CDNF: variants seen among roughly 807,000 people sequenced by gnomAD.
CDNF encodes the protein ARMET-like protein 1.
A neutral mutation model predicts 14.8 loss-of-function variants in CDNF; 9 were observed. The observed-to-expected ratio is 0.61, with a 90% CI of 0.37 to 1.06. The LOEUF is 1.06. Ranked by LOEUF, CDNF falls within the 50% of genes least tolerant of loss-of-function variation. The pLI, the probability that CDNF is intolerant of heterozygous loss-of-function variation, is 0.01. For synonymous variants in CDNF, 86 were observed against 87.2 expected, an observed-to-expected ratio of 0.99 and a Z score of 0.07; for missense variants, 228 against 228.4, an observed-to-expected ratio of 1.00 and a Z score of 0.01.
chr10:14,828,964 G>A (rs747805555), intron 1 of CDNF, among the ~76,000 whole-genome samples: 1 of 152,170 alleles, frequency 6.6e-6, no homozygotes, highest in Admixed American at 6.5e-5. Context: ...GATGGAGGCT[G>A]CAGTGAGCTA....
At chr10:14,832,835 T>C (rs111510760) in intron 1 of CDNF, among the ~76,000 whole-genome samples, 1,994 of 150,106 alleles carry the variant, frequency 0.013, 53 homozygotes, top group African/African-American at 0.045. Context: ...AGCAGGAATC[T>C]AATCTTTCTT....
intron 3 of CDNF, among the ~76,000 whole-genome samples, chr10:14,823,581 C>T (rs1361716359): frequency 1.3e-5 from 2 of 152,134 alleles, no homozygotes; most frequent in African/African-American, 4.8e-5. Flanking sequence ...GGCTGGAGTA[C>T]AGTGAAAAAA....
intron 1 of CDNF, among the ~76,000 whole-genome samples, chr10:14,835,164 G>T (rs149864700): frequency 4.4e-4 from 67 of 152,314 alleles, no homozygotes; most frequent in African/African-American, 1.4e-3. Context: ...AAGAGGGCAT[G>T]TTCACTAGTC....
chr10:14,821,370 T>C (rs144596285), intron 3 of CDNF, among the ~76,000 whole-genome samples: 2,199 of 152,320 alleles, frequency 0.014, 61 homozygotes, highest in African/African-American at 0.049. Flanking sequence ...CTGATCCGCC[T>C]GCCACGGCCT....
chr10:14,837,825 C>G lies in CDNF; in HGVS notation c.115+7G>C, dbSNP rs757628281. On this transcript the variant is annotated splice_region_variant and intron_variant, in intron 1 of 3. Coordinates refer to ENST00000465530, the MANE Select transcript of CDNF (RefSeq NM_001029954.3). ...GCCGCCATGCAAGCAGTTGTCACACCGCTCACCTTCACAGTCGGCCCCTGG... is the reference window on the plus strand; with the variant it reads ...GCCGCCATGCAAGCAGTTGTCACACGGCTCACCTTCACAGTCGGCCCCTGG... The G allele has an allele frequency of 1.3e-6, 2 of 1,552,824 alleles. No individual in the cohort carries two copies. The highest frequency in any genetic ancestry group is 1.7e-6 in the Non-Finnish European group (2 of 1,143,258).
chr10:14,824,307 A>G (rs1205142640), intron 3 of CDNF, among the ~76,000 whole-genome samples: 4 of 152,180 alleles, frequency 2.6e-5, no homozygotes, highest in Non-Finnish European at 5.9e-5. Flanking sequence ...ATAACATTTT[A>G]AAATAGGACA....
At chr10:14,821,487 T>C (rs1461651192) in intron 3 of CDNF, among the ~76,000 whole-genome samples, 4 of 152,162 alleles carry the variant, frequency 2.6e-5, no homozygotes, top group Admixed American at 1.3e-4. Flanking sequence ...GTATTAAGTA[T>C]TATAAGTAAT....
At chr10:14,820,584 T>C (rs1039872559) in intron 3 of CDNF, among the ~76,000 whole-genome samples, 2 of 150,998 alleles carry the variant, frequency 1.3e-5, no homozygotes, top group East Asian at 3.9e-4. Flanking sequence ...AACAAAAAAT[T>C]AGCCGGGCAT....
intron 2 of CDNF, among the ~76,000 whole-genome samples, chr10:14,826,553 G>C (rs561457398): frequency 6.5e-4 from 99 of 152,240 alleles, no homozygotes; most frequent in South Asian, 4.1e-4. Flanking sequence ...GAAGAAGAGA[G>C]GTTAACCTGC....
chr10:14,837,625 C>A (rs567429557), intron 1 of CDNF, among the ~76,000 whole-genome samples: 3 of 152,366 alleles, frequency 2.0e-5, no homozygotes, highest in South Asian at 4.1e-4. Flanking sequence ...ATATTCACAG[C>A]AAAACCACAA....
chr10:14,834,907 T>C (rs1833874468), intron 1 of CDNF, among the ~76,000 whole-genome samples: 1 of 152,122 alleles, frequency 6.6e-6, no homozygotes, highest in Non-Finnish European at 1.5e-5. Context: ...CTGCTGAAGT[T>C]CTGTAAGGAA....
intron 2 of CDNF, among the ~76,000 whole-genome samples, chr10:14,826,092 A>AAGAAGAAGAAGC (rs1833783756): frequency 1.8e-5 from 2 of 110,980 alleles, no homozygotes; most frequent in African/African-American, 6.4e-5. Flanking sequence ...GAAGAAGAAG[A>AAGAAGAAGAAGC]AGAAGCAGCA....
intron 3 of CDNF, among the ~76,000 whole-genome samples, chr10:14,823,823 G>A (rs753470647): frequency 3.9e-5 from 6 of 152,292 alleles, no homozygotes; most frequent in East Asian, 1.9e-4. Flanking sequence ...TGCCGCGCCC[G>A]GCCAAGTTTG....
Position 14,819,849 on chromosome 10 carries a change from G to A in CDNF, c.*131C>T. ...ATAAACCCACGTAACAAAATTCTGA[G>A]GAATAATACCAACACAAAAAGCATG... On this transcript the variant is annotated 3_prime_UTR_variant, in exon 4 of 4. Coordinates refer to ENST00000465530, the MANE Select transcript of CDNF (RefSeq NM_001029954.3). The A allele has an allele frequency of 1.1e-6, 1 of 891,946 alleles. No individual in the cohort carries two copies. The highest frequency in any genetic ancestry group is 1.7e-6 in the Non-Finnish European group (1 of 590,516). The allele number at this position is 891,946 out of a possible 1,614,324, so 55.3% of individuals were successfully genotyped here.
intron 1 of CDNF, 55 bp from the exon 2 acceptor site, chr10:14,828,327 A>G (rs756200380): frequency 1.3e-6 from 2 of 1,568,198 alleles, no homozygotes; most frequent in Non-Finnish European, 1.7e-6. Flanking sequence ...TACCACACCT[A>G]TGCATATGAC....
Position 14,825,638 on chromosome 10 carries a change from G to T in CDNF, c.244-18C>A. ...TAATAGCACTGAAGGAAAATGAAGA[G>T]AATTGAGTGTTCCAGACAATGAAGA... is the stretch of plus-strand genomic sequence containing the variant. On this transcript the variant is annotated intron_variant, in intron 2 of 3. Coordinates refer to ENST00000465530, the MANE Select transcript of CDNF (RefSeq NM_001029954.3). 6.2e-7 allele frequency: 1 copy of T among 1,612,316 alleles called. No homozygotes were observed. The highest frequency in any genetic ancestry group is 8.5e-7 in the Non-Finnish European group (1 of 1,178,840).
Position 14,830,375 on chromosome 10 carries a change from T to C in CDNF, c.116-2103A>G, listed in dbSNP as rs144867107. 3.8e-3 allele frequency among the ~76,000 whole-genome samples: 584 copies of C among 152,360 alleles called. 13 individuals are homozygous for C. Among genetic ancestry groups the C allele is most frequent in the Admixed American group, 0.036 (556 of 15,302 alleles). ...TAACTTCTATGCCTGATTATTCCAATACCTGAAGCCACTGCAGGGGTGTGC... is the reference window on the plus strand; with the variant it reads ...TAACTTCTATGCCTGATTATTCCAACACCTGAAGCCACTGCAGGGGTGTGC... On this transcript the variant is annotated intron_variant, in intron 1 of 3. Coordinates refer to ENST00000465530, the MANE Select transcript of CDNF (RefSeq NM_001029954.3).
intron 2 of CDNF, among the ~76,000 whole-genome samples, chr10:14,826,140 A>AAGC (rs1833787071): frequency 1.9e-4 from 27 of 144,888 alleles, no homozygotes; most frequent in African/African-American, 6.0e-4. Flanking sequence ...GGAGAAGGAG[A>AAGC]AGGAGAAGGA....
At chr10:14,829,617 GA>G (rs1180825516) in intron 1 of CDNF, among the ~76,000 whole-genome samples, 5 of 150,830 alleles carry the variant, frequency 3.3e-5, no homozygotes, top group East Asian at 3.9e-4. Context: ...GAAGTCTTCA[GA>G]GTTTTTTTTG....
Sources: allele counts gnomAD v4.1 joint callset (sites outside exome capture counted in the v4.1 genomes callset), GRCh38; gene constraint gnomAD v4.1.1; transcripts MANE v1.5; gene names NCBI Gene and HGNC (gene_info 2026-07-23, HGNC 2026-07-21).